CD244: variants seen among roughly 807,000 people sequenced by gnomAD.
CD244 encodes CD244 molecule.
CD244 carries 20 observed loss-of-function variants against 45.5 expected under a neutral mutation model. That is an observed-to-expected ratio of 0.44 (90% CI 0.31 to 0.64). The LOEUF is 0.64. Ranked by LOEUF, CD244 falls within the 30% of genes least tolerant of loss-of-function variation. The pLI, the probability that CD244 is intolerant of heterozygous loss-of-function variation, is 0.08. For missense variants in CD244, 407 were observed against 426.9 expected, an observed-to-expected ratio of 0.95 and a Z score of 0.41; for synonymous variants, 185 against 160.5, an observed-to-expected ratio of 1.15 and a Z score of -1.15.
intron 3 of CD244, 76 bp from the exon 4 acceptor site, chr1:160,839,125 G>T: frequency 9.1e-7 from 1 of 1,102,974 alleles, no homozygotes; most frequent in Non-Finnish European, 1.3e-6. Flanking sequence ...TGCTGCAGGG[G>T]CTGCCTCAAA....
intron 1 of CD244, among the ~76,000 whole-genome samples, chr1:160,844,750 A>G (rs577831983): frequency 6.6e-6 from 1 of 152,264 alleles, no homozygotes; most frequent in Non-Finnish European, 1.5e-5. Flanking sequence ...CAAGGCCGGC[A>G]GATCACTCAA....
At chr1:160,851,316 A>G (rs1218727868) in intron 1 of CD244, among the ~76,000 whole-genome samples, 1 of 152,212 alleles carries the variant, frequency 6.6e-6, no homozygotes, top group African/African-American at 2.4e-5. Flanking sequence ...ACAGGCTGCC[A>G]GCCATCGGTC....
intron 3 of CD244, among the ~76,000 whole-genome samples, chr1:160,839,751 C>T (rs751741059): frequency 3.3e-5 from 5 of 152,152 alleles, no homozygotes; most frequent in Admixed American, 6.5e-5. Flanking sequence ...GGAACTAATT[C>T]GTCATGGATA....
rs1193802589 is a variant in CD244 at position 160,830,374 on chromosome 1, C to G, written c.*973G>C. On this transcript the variant is annotated 3_prime_UTR_variant, in exon 9 of 9. Transcript: ENST00000368034. ...CAGCCAGAGTCACAGCCCTGCTCCC[C>G]ACAGCCTTGTTGAAATGTCTGGCCT... is the stretch of plus-strand genomic sequence containing the variant. 2 of 152,396 alleles carry G rather than the reference C, an allele frequency of 1.3e-5. No individual in the cohort carries two copies. Among genetic ancestry groups the G allele is most frequent in the East Asian group, 3.8e-4 (2 of 5,330 alleles). 9.4% of individuals were successfully genotyped at this position (152,396 alleles called of 1,614,324 possible).
At chr1:160,839,496 A>G (rs1357455421) in intron 3 of CD244, among the ~76,000 whole-genome samples, 1 of 152,224 alleles carries the variant, frequency 6.6e-6, no homozygotes, top group Non-Finnish European at 1.5e-5. Context: ...TATTCAGGGA[A>G]AAAAAATGCA....
rs143123802 is a variant in CD244, at chr1:160,841,887, C to T, written c.76G>A (p.Ala26Thr). The change falls in exon 2 of 9, where the codon GCT becomes ACT. Residue 26 changes from alanine to threonine, a missense_variant. Physicochemically the swap from Ala to Thr is moderately conservative, Grantham distance 58. Coordinates refer to ENST00000368034, the MANE Select transcript of CD244 (RefSeq NM_016382.4). ...CCCGAGATGCTAACCACATGGTCAG[C>T]TGATCCCTGGCATCCTAGGAAAGAG... Reference protein sequence around the residue: ...VYQGKGCQGSADHVVSISGVP... With the variant: ...VYQGKGCQGSTDHVVSISGVP... The T allele has an allele frequency of 5.6e-6, 9 of 1,613,654 alleles. No individual in the cohort carries two copies. The African/African-American group carries it at 6.7e-5, about 12-fold the overall frequency.
At chr1:160,862,244 C>T (rs1051283872) in intron 1 of CD244, among the ~76,000 whole-genome samples, 1 of 152,212 alleles carries the variant, frequency 6.6e-6, no homozygotes, top group South Asian at 2.1e-4. Flanking sequence ...GAGAACCACC[C>T]ACTTCCTTGG....
At chr1:160,848,384 C>T (rs1044301170) in intron 1 of CD244, 2 of 564,130 alleles carry the variant, frequency 3.5e-6, no homozygotes, top group Non-Finnish European at 7.0e-6. Context: ...GGATGGCAAG[C>T]GTGTGGTATT....
chr1:160,849,532 T>G (rs1398756160), intron 1 of CD244, among the ~76,000 whole-genome samples: 2 of 152,108 alleles, frequency 1.3e-5, no homozygotes, highest in African/African-American at 4.8e-5. Context: ...ACTCCCACTT[T>G]GAGTGAGAAC....
chr1:160,848,206 C>A (rs1669801660), intron 1 of CD244: 1 of 536,068 alleles, frequency 1.9e-6, no homozygotes, highest in Admixed American at 1.9e-5. Flanking sequence ...AGGATGTTGA[C>A]ATCACACACC....
At chr1:160,833,326 T>C (rs1669205527) in intron 7 of CD244, among the ~76,000 whole-genome samples, 1 of 152,248 alleles carries the variant, frequency 6.6e-6, no homozygotes, top group African/African-American at 2.4e-5. Context: ...CTGTGGTCCC[T>C]GACCTGCATG....
In CD244 at chr1:160,834,072, T is replaced by G; in HGVS notation, c.939A>C (p.Ser313=). ...TSQEPAYTLY[S]LIQPSRKSGS... ...TCACCTTCCTGGAAGGCTGAATTAA[T>G]GAATATAATGTATATGCAGGTTCTT... Residue 313 remains serine, a synonymous_variant, in exon 7 of 9, where the codon TCA becomes TCC. Coordinates refer to ENST00000368034, the MANE Select transcript of CD244 (RefSeq NM_016382.4). The G allele has an allele frequency of 6.2e-7, 1 of 1,612,138 alleles. No homozygotes were observed. Among genetic ancestry groups the G allele is most frequent in the Non-Finnish European group, 8.5e-7 (1 of 1,178,162 alleles).
chr1:160,830,695 A>G lies in CD244; in HGVS notation c.*652T>C, dbSNP rs923945376. The G allele has an allele frequency of 6.6e-5, 10 of 152,304 alleles. No individual in the cohort carries two copies. The highest frequency in any genetic ancestry group is 5.2e-4 in the Admixed American group (8 of 15,286). 9.4% of individuals were successfully genotyped at this position (152,304 alleles called of 1,614,324 possible). A position where few individuals can be genotyped will look rare whatever the true frequency, so the allele number is the denominator to read the frequency against. On this transcript the variant is annotated 3_prime_UTR_variant, in exon 9 of 9. Transcript: ENST00000368034. The stretch of plus-strand genomic sequence containing the variant: ...CTCTGGGTGATTTTTCTACTTAGAG[A>G]TGGGCTTGCTTTGCACCATCTACTC...
In CD244 at chr1:160,841,327, G is replaced by T; in HGVS notation, c.538C>A (p.Leu180Met). 1 of 1,614,176 alleles carries T rather than the reference G, an allele frequency of 6.2e-7. No homozygotes were observed. The highest frequency in any genetic ancestry group is 1.6e-4 in the Middle Eastern group (1 of 6,062). The change falls in exon 3 of 9, where the codon CTG becomes ATG. Residue 180 changes from leucine (L) to methionine (M), a missense_variant. By Grantham distance (15) the Leu-to-Met change is conservative. Transcript: ENST00000368034. ...CCATTAATGTCAACCTCCTCGTCCA[G>T]GTAGGTGAGGTTCCCTGCTGTCTGG... is the stretch of plus-strand genomic sequence containing the variant. ...LIQTAGNLTY[L>M]DEEVDINGTH...
rs2293026 is a variant in CD244 at position 160,841,864 on chromosome 1, C to T, written c.99G>A (p.Ser33=). ...TTGGTTGTAACTGAAGAGGCACTCC[C>T]GAGATGCTAACCACATGGTCAGCTG... ...QGSADHVVSI[S]GVPLQLQPNS... The change falls in exon 2 of 9, where the codon TCG becomes TCA. Residue 33 remains serine, a synonymous_variant. Coordinates refer to ENST00000368034, the MANE Select transcript of CD244 (RefSeq NM_016382.4). The T allele has an allele frequency of 8.1e-5, 130 of 1,614,126 alleles. No individual in the cohort carries two copies. The East Asian group carries it at 1.1e-3, about 14-fold the overall frequency.
intron 1 of CD244, among the ~76,000 whole-genome samples, chr1:160,852,871 A>G (rs1388136988): frequency 1.3e-5 from 2 of 152,090 alleles, no homozygotes; most frequent in African/African-American, 4.8e-5. Context: ...AAAAGAAAAA[A>G]AATTAGCTGG....
intron 1 of CD244, chr1:160,848,408 G>T (rs1571108947): frequency 3.6e-6 from 2 of 556,160 alleles, no homozygotes; most frequent in African/African-American, 1.9e-5. Flanking sequence ...CAAGTTGAAA[G>T]GGGGCATGAA....
intron 3 of CD244, among the ~76,000 whole-genome samples, chr1:160,840,697 T>C (rs1669509749): frequency 6.6e-6 from 1 of 152,204 alleles, no homozygotes; most frequent in Non-Finnish European, 1.5e-5. Context: ...TCCCTGTTTA[T>C]GTAATAAAAA....
chr1:160,845,637 C>G (rs1179047918), intron 1 of CD244, among the ~76,000 whole-genome samples: 3 of 152,130 alleles, frequency 2.0e-5, no homozygotes, highest in Non-Finnish European at 4.4e-5. Flanking sequence ...GGATGGATCA[C>G]CTGACGTCAG....
Sources: allele counts gnomAD v4.1 joint callset (sites outside exome capture counted in the v4.1 genomes callset), GRCh38; gene constraint gnomAD v4.1.1; transcripts MANE v1.5; gene names NCBI Gene and HGNC (gene_info 2026-07-23, HGNC 2026-07-21).